The following CYREN variants were observed in gnomAD, a reference collection of about 807,000 sequenced individuals.
The protein encoded by CYREN is cell cycle regulator of NHEJ, also known as cell cycle regulator of non-homologous end joining.
CYREN carries 7 observed loss-of-function variants against 9.7 expected under a neutral mutation model. That is an observed-to-expected ratio of 0.72 (90% CI 0.41 to 1.36). The LOEUF is 1.36. CYREN is among the 40% of genes most tolerant of loss of function. CYREN has a pLI of 0.01. For synonymous variants in CYREN, 76 were observed against 77.9 expected (o/e 0.98, Z 0.13); for missense variants, 215 against 198.1 (o/e 1.09, Z -0.51).
At chr7:135,149,108 C>T (rs1374391707) in intron 2 of CYREN, among the ~76,000 whole-genome samples, 1 of 152,128 alleles carries the variant, frequency 6.6e-6, no homozygotes, top group African/African-American at 2.4e-5. Flanking sequence ...CACATATTCC[C>T]CTTTCTCAAC....
At chr7:135,164,433 G>A (rs1169346114), downstream of CYREN, 6 of 1,595,672 alleles carry the variant, frequency 3.8e-6, no homozygotes, top group Admixed American at 1.7e-5. Context: ...CCGGCAGAGG[G>A]CAGTAGAGAT....
chr7:135,131,035 T>A (rs1828686226), intron 2 of CYREN, among the ~76,000 whole-genome samples: 1 of 152,186 alleles, frequency 6.6e-6, no homozygotes, highest in Non-Finnish European at 1.5e-5. Context: ...TTTAGGTGTG[T>A]GTGTCCAGAG....
chr7:135,123,498 A>G (rs187987293), intron 2 of CYREN, among the ~76,000 whole-genome samples: 2 of 152,342 alleles, frequency 1.3e-5, no homozygotes, highest in African/African-American at 4.8e-5. Context: ...AACTTCTCCA[A>G]CCTCGCAAGA....
intron 1 of CYREN, among the ~76,000 whole-genome samples, chr7:135,169,880 G>A (rs1296672872): frequency 6.6e-6 from 1 of 152,206 alleles, no homozygotes; most frequent in Non-Finnish European, 1.5e-5. Context: ...CATCCAGATG[G>A]CTGTTTACAA....
At chr7:135,164,666 GC>G (rs775059444), downstream of CYREN, 23 of 1,613,598 alleles carry the variant, frequency 1.4e-5, no homozygotes, top group Non-Finnish European at 1.9e-5. Flanking sequence ...CCCTGGGGGT[GC>G]CTCGGGTTGG....
downstream of CYREN, among the ~76,000 whole-genome samples, chr7:135,162,074 C>T (rs1376865032): frequency 6.6e-6 from 1 of 152,240 alleles, no homozygotes; most frequent in Non-Finnish European, 1.5e-5. Context: ...CACCTAGGTC[C>T]TTTGAATGGA....
In CYREN at chr7:135,167,856, A is replaced by G. The variant is rs764114965; in HGVS notation, c.138-49T>C. ...CAGATGACACAGACTCTCAAGTCTC[A>G]TAAGGGCAAAGAGAACAGGAGAAGC... is the stretch of plus-strand genomic sequence containing the variant. On this transcript the variant is annotated intron_variant, in intron 2 of 3. Coordinates refer to ENST00000393114, the MANE Select transcript of CYREN (RefSeq NM_024033.4). 5.0e-6 allele frequency: 8 copies of G among 1,613,076 alleles called. No homozygotes were observed. The Admixed American group carries it at 1.2e-4, about 24-fold the overall frequency.
At chr7:135,127,471 T>C (rs1218028722) in intron 2 of CYREN, among the ~76,000 whole-genome samples, 1 of 151,880 alleles carries the variant, frequency 6.6e-6, no homozygotes, top group Non-Finnish European at 1.5e-5. Flanking sequence ...GGGAGTTGCT[T>C]GAACCCGGGA....
intron 2 of CYREN, chr7:135,115,233 T>A: frequency 1.9e-6 from 1 of 539,968 alleles, no homozygotes; most frequent in South Asian, 3.0e-5. Flanking sequence ...TATATTTTAT[T>A]TGTTTATTTT....
rs552665313 is a variant in CYREN at position 135,135,008 on chromosome 7, A to G, written n.356+33741T>C. Reference sequence around the variant, plus strand: ...AGTTTATCACCTCTCAAAGGCCCCAAGAAGAATAAACATTCTCAAATCTGG... The same window carrying G: ...AGTTTATCACCTCTCAAAGGCCCCAGGAAGAATAAACATTCTCAAATCTGG... On this transcript the variant is annotated intron_variant and non_coding_transcript_variant, in intron 2 of 2. Coordinates refer to the CYREN transcript ENST00000459937. 229 of 1,551,226 alleles carry G rather than the reference A, an allele frequency of 1.5e-4. No homozygotes were observed. In the South Asian group the frequency reaches 2.4e-3, roughly 16 times the overall value.
At chr7:135,130,200 A>C (rs1021860091) in intron 2 of CYREN, among the ~76,000 whole-genome samples, 1 of 152,200 alleles carries the variant, frequency 6.6e-6, no homozygotes, top group Non-Finnish European at 1.5e-5. Flanking sequence ...AATTTCTGCC[A>C]AGTCAGTTCT....
rs576491648 is a variant in CYREN, at chr7:135,168,905, G to A, written c.18C>T (p.Ser6=). ...AGGGAAGGACCCTCGTTTTAGTCTCGGATTGTAAGGTTTCCATCTCTGTAC... is the reference window on the plus strand; with the variant it reads ...AGGGAAGGACCCTCGTTTTAGTCTCAGATTGTAAGGTTTCCATCTCTGTAC... METLQ[S]ETKTRVLPSW... The change falls in exon 2 of 4, where the codon TCC becomes TCT. Residue 6 remains serine, a synonymous_variant. Transcript: ENST00000393114. The A allele has an allele frequency of 3.2e-5, 52 of 1,609,938 alleles. 1 individual carries two copies. The highest frequency in any genetic ancestry group is 5.5e-5 in the South Asian group (5 of 90,550).
upstream of CYREN, among the ~76,000 whole-genome samples, chr7:135,171,284 T>C (rs888645182): frequency 1.3e-4 from 19 of 151,076 alleles, no homozygotes; most frequent in Non-Finnish European, 1.8e-4. Context: ...AGAGACCCTC[T>C]CATATTGTTT....
At chr7:135,148,982 T>C (rs1460394641) in intron 2 of CYREN, among the ~76,000 whole-genome samples, 2 of 152,084 alleles carry the variant, frequency 1.3e-5, no homozygotes, top group Non-Finnish European at 2.9e-5. Flanking sequence ...AAAAGACACA[T>C]ATTTCCTTCT....
At chr7:135,144,453 CCAA>C (rs1343356286) in intron 2 of CYREN, among the ~76,000 whole-genome samples, 2 of 151,818 alleles carry the variant, frequency 1.3e-5, no homozygotes, top group African/African-American at 4.8e-5. Flanking sequence ...AAGAGTACTG[CCAA>C]AAACAATGGA....
intron 2 of CYREN, among the ~76,000 whole-genome samples, chr7:135,147,610 C>A (rs1405585393): frequency 3.9e-5 from 6 of 152,142 alleles, no homozygotes; most frequent in Admixed American, 3.9e-4. Context: ...GCTCAGGACA[C>A]AAAGTTTTGT....
At chr7:135,162,030 T>G (rs1829953548), downstream of CYREN, among the ~76,000 whole-genome samples, 1 of 152,218 alleles carries the variant, frequency 6.6e-6, no homozygotes, top group South Asian at 2.1e-4. Context: ...GCCAAAGAAG[T>G]CGCTGGTCAA....
chr7:135,165,836 T>A lies in CYREN; in HGVS notation c.*775A>T, dbSNP rs111327468. ...GCACTTGTGTATTGGAAAACCTGTATGGCAGTGATTTATTCATATATTCCT... is the reference window on the plus strand; with the variant it reads ...GCACTTGTGTATTGGAAAACCTGTAAGGCAGTGATTTATTCATATATTCCT... On this transcript the variant is annotated 3_prime_UTR_variant, in exon 4 of 4. Coordinates refer to ENST00000393114, the MANE Select transcript of CYREN (RefSeq NM_024033.4). 6.0e-6 allele frequency: 1 copy of A among 167,142 alleles called. No individual in the cohort carries two copies. The highest frequency in any genetic ancestry group is 2.1e-4 in the South Asian group (1 of 4,836). The allele number at this position is 167,142 out of a possible 1,614,324, so 10.4% of individuals were successfully genotyped here. A position where few individuals can be genotyped will look rare whatever the true frequency, so the allele number is the denominator to read the frequency against.
At chr7:135,167,476 C>G (rs1585371392) in intron 3 of CYREN, 4 of 1,363,930 alleles carry the variant, frequency 2.9e-6, no homozygotes. Context: ...CACAGTCACG[C>G]TCTCCCTAAC....
Sources: gnomAD v4.1 joint callset for allele counts (sites outside exome capture counted in the v4.1 genomes callset) on GRCh38, gnomAD v4.1.1 for gene constraint, MANE v1.5 for transcripts, NCBI Gene and HGNC (gene_info 2026-07-23, HGNC 2026-07-21) for gene names.